Variants in RARB observed in about 807,000 individuals in gnomAD.
RARB encodes the protein HBV-activated protein.
RARB carries 17 observed loss-of-function variants against 51.9 expected under a neutral mutation model. That is an observed-to-expected ratio of 0.33 (90% CI 0.22 to 0.49). The LOEUF (loss-of-function observed/expected upper bound fraction) is 0.49, where lower values mean the gene tolerates loss of function less well. Among genes scored for constraint, RARB ranks in the 20% least tolerant of loss-of-function variants. The pLI, the probability that RARB is intolerant of heterozygous loss-of-function variation, is 0.99. For synonymous variants in RARB, 215 were observed against 195.4 expected (o/e 1.10, Z -0.84); for missense variants, 369 against 550.8 (o/e 0.67, Z 3.30).
intron 2 of RARB, among the ~76,000 whole-genome samples, chr3:24,942,062 G>A (rs890701084): frequency 6.6e-6 from 1 of 152,114 alleles, no homozygotes; most frequent in African/African-American, 2.4e-5. Flanking sequence ...ATATTTTTTG[G>A]TCCAATGGCC....
At chr3:25,102,738 G>A (rs1020729028) in intron 3 of RARB, among the ~76,000 whole-genome samples, 2 of 152,032 alleles carry the variant, frequency 1.3e-5, no homozygotes, top group African/African-American at 4.8e-5. Context: ...TTTCAGTTAA[G>A]ATGCCGTGAG....
At chr3:25,163,512 TA>T (rs1559488379) in intron 4 of RARB, among the ~76,000 whole-genome samples, 2 of 46,658 alleles carry the variant, frequency 4.3e-5, no homozygotes, top group African/African-American at 8.0e-5. Flanking sequence ...AAAATATATA[TA>T]TATATATATA....
chr3:25,025,914 A>G (rs1697738438), intron 2 of RARB, among the ~76,000 whole-genome samples: 1 of 152,180 alleles, frequency 6.6e-6, no homozygotes, highest in African/African-American at 2.4e-5. Flanking sequence ...ATCATATAAC[A>G]TTGCTATTTT....
intron 4 of RARB, among the ~76,000 whole-genome samples, chr3:25,164,842 A>G (rs1700534564): frequency 6.6e-6 from 1 of 152,188 alleles, no homozygotes; most frequent in African/African-American, 2.4e-5. Flanking sequence ...AAACTACAAG[A>G]GTTCAGGAAT....
Position 24,919,959 on chromosome 3 carries a change from A to T in RARB, c.-380+61207A>T, listed in dbSNP as rs144587671. On this transcript the variant is annotated intron_variant, in intron 2 of 11. Coordinates refer to the RARB transcript ENST00000383772. Reference sequence around the variant, plus strand: ...TACAAATTAAAATACGTGGGTTTTAACATGTTCATTTTGTAATAACCTCGC... The same window carrying T: ...TACAAATTAAAATACGTGGGTTTTATCATGTTCATTTTGTAATAACCTCGC... 7.1e-3 allele frequency among the ~76,000 whole-genome samples: 1,082 copies of T among 152,304 alleles called. 23 individuals carry two copies. The highest frequency in any genetic ancestry group is 0.038 in the Admixed American group (580 of 15,294).
chr3:25,451,463 A>G (rs1245692814), intron 1 of RARB, among the ~76,000 whole-genome samples: 1 of 152,232 alleles, frequency 6.6e-6, no homozygotes, highest in Non-Finnish European at 1.5e-5. Context: ...AAACCCACAC[A>G]GTGAGGATTA....
intron 2 of RARB, among the ~76,000 whole-genome samples, chr3:24,971,022 G>C (rs892219858): frequency 4.0e-5 from 6 of 151,862 alleles, no homozygotes; most frequent in African/African-American, 1.5e-4. Context: ...CATCGTTCTA[G>C]TATTCCAATG....
intron 2 of RARB, among the ~76,000 whole-genome samples, chr3:24,907,007 A>C (rs1223246151): frequency 1.3e-5 from 2 of 152,170 alleles, no homozygotes; most frequent in African/African-American, 4.8e-5. Flanking sequence ...TCAAATGTAG[A>C]TATCCAGTAG....
chr3:24,940,198 T>G (rs1695631187), intron 2 of RARB, among the ~76,000 whole-genome samples: 2 of 152,136 alleles, frequency 1.3e-5, no homozygotes, highest in South Asian at 4.1e-4. Flanking sequence ...TGGCACATCG[T>G]TTCATCTTTT....
At chr3:25,030,707 T>C (rs1000098784) in intron 2 of RARB, among the ~76,000 whole-genome samples, 1 of 152,174 alleles carries the variant, frequency 6.6e-6, no homozygotes, top group African/African-American at 2.4e-5. Flanking sequence ...GGAAAAGCTG[T>C]GGAGAATACT....
chr3:25,243,092 T>C (rs973472924), intron 5 of RARB, among the ~76,000 whole-genome samples: 4 of 152,194 alleles, frequency 2.6e-5, no homozygotes, highest in Admixed American at 6.5e-5. Flanking sequence ...AATTCACTCA[T>C]GGTTTGGCTC....
intron 5 of RARB, among the ~76,000 whole-genome samples, chr3:25,265,689 C>G (rs1703109715): frequency 6.6e-6 from 1 of 152,084 alleles, no homozygotes; most frequent in Non-Finnish European, 1.5e-5. Flanking sequence ...CCAGACTGGT[C>G]TTGAACTCCT....
At chr3:24,915,462 A>C (rs9827612) in intron 2 of RARB, among the ~76,000 whole-genome samples, 2 of 152,122 alleles carry the variant, frequency 1.3e-5, no homozygotes, top group Admixed American at 1.3e-4. Context: ...TCCACTGCTC[A>C]ATAGCCACAT....
At chr3:24,884,587 T>A (rs910424134) in intron 2 of RARB, among the ~76,000 whole-genome samples, 4 of 152,198 alleles carry the variant, frequency 2.6e-5, no homozygotes, top group Non-Finnish European at 5.9e-5. Flanking sequence ...TTAGTGCTTT[T>A]GCCTCAAACT....
intron 5 of RARB, among the ~76,000 whole-genome samples, chr3:25,411,697 C>G (rs146535041): frequency 4.7e-4 from 71 of 152,296 alleles, no homozygotes; most frequent in Non-Finnish European, 8.1e-4. Context: ...TAAGTCAAGG[C>G]CAAAGAACCT....
At chr3:25,218,333 C>T (rs575238023) in intron 5 of RARB, among the ~76,000 whole-genome samples, 1 of 152,152 alleles carries the variant, frequency 6.6e-6, no homozygotes, top group South Asian at 2.1e-4. Flanking sequence ...ACATATCCGC[C>T]CCCTAGGTTA....
chr3:24,870,723 CTGAT>C (rs1451635266), intron 2 of RARB, among the ~76,000 whole-genome samples: 1 of 151,984 alleles, frequency 6.6e-6, no homozygotes, highest in Non-Finnish European at 1.5e-5. Flanking sequence ...TTTTACTGCA[CTGAT>C]TAAGAACTCT....
intron 4 of RARB, 140 bp downstream of exon 4, chr3:25,570,058 A>T: frequency 8.1e-7 from 1 of 1,235,646 alleles, no homozygotes. Flanking sequence ...CATGCTAGCC[A>T]GCTGGGGCTA....
Position 24,936,194 on chromosome 3 carries a change from G to A in RARB, c.-380+77442G>A, listed in dbSNP as rs78120140. ...TATAGAGTATGGAATGGGTGCAAGC[G>A]CTTCGTAGATAGCATCATAATTTTG... On this transcript the variant is annotated intron_variant, in intron 2 of 11. Transcript: ENST00000383772. 6.6e-3 allele frequency among the ~76,000 whole-genome samples: 1,004 copies of A among 152,188 alleles called. 15 individuals carry two copies. Among genetic ancestry groups the A allele is most frequent in the East Asian group, 0.041 (214 of 5,174 alleles).
Sources: allele counts gnomAD v4.1 joint callset (sites outside exome capture counted in the v4.1 genomes callset), GRCh38; gene constraint gnomAD v4.1.1; transcripts MANE v1.5; gene names NCBI Gene and HGNC (gene_info 2026-07-23, HGNC 2026-07-21).